COL5A1: variants seen among roughly 807,000 people sequenced by gnomAD.
COL5A1 encodes the protein collagen type V alpha 1 chain.
In COL5A1, 16 loss-of-function variants were observed where a neutral mutation model predicts 263.7. The ratio of observed to expected loss-of-function variants is 0.06; its 90% CI spans 0.04 to 0.09. The LOEUF is 0.09. COL5A1 is among the 10% of genes least tolerant of loss of function. COL5A1 has a pLI of 1.00. For missense variants in COL5A1, 2,036 were observed against 2,540.5 expected (o/e 0.80, Z 4.27); for synonymous variants, 1,012 against 1,004.5 (o/e 1.01, Z -0.14).
intron 1 of COL5A1, among the ~76,000 whole-genome samples, chr9:134,661,247 G>A (rs1440856020): frequency 2.0e-5 from 3 of 151,850 alleles, no homozygotes; most frequent in Non-Finnish European, 4.4e-5. Context: ...CTTGGATTGG[G>A]ATCTTTGGGA....
At chr9:134,828,585 C>T (rs1228511395) in intron 63 of COL5A1, among the ~76,000 whole-genome samples, 1 of 10,260 alleles carries the variant, frequency 9.7e-5, no homozygotes, top group African/African-American at 3.9e-4. Flanking sequence ...ACATATACCA[C>T]ACCACACATC....
At chr9:134,768,298 C>T in intron 24 of COL5A1, 112 bp from the exon 25 acceptor site, 2 of 1,015,218 alleles carry the variant, frequency 2.0e-6, no homozygotes, top group Non-Finnish European at 3.2e-6. Flanking sequence ...GACCACACTT[C>T]TCAGCAAATG....
intron 1 of COL5A1, among the ~76,000 whole-genome samples, chr9:134,650,615 T>C (rs547703302): frequency 6.6e-6 from 1 of 152,288 alleles, no homozygotes; most frequent in East Asian, 1.9e-4. Context: ...CCAAGGCCAG[T>C]CTAGGGAGGC....
At chr9:134,753,968 G>T in intron 15 of COL5A1, 65 bp downstream of exon 15, 1 of 1,374,150 alleles carries the variant, frequency 7.3e-7, no homozygotes. Context: ...CAGCGACGGC[G>T]AGCATGGAGG....
intron 48 of COL5A1, among the ~76,000 whole-genome samples, chr9:134,813,417 C>T (rs371789894): frequency 2.0e-5 from 3 of 152,210 alleles, no homozygotes; most frequent in Non-Finnish European, 4.4e-5. Flanking sequence ...AATTGGAAGA[C>T]GCCTTCCACC....
chr9:134,738,452 C>A, intron 9 of COL5A1, 22 bp from the exon 10 acceptor site: 5 of 1,613,866 alleles, frequency 3.1e-6, no homozygotes, highest in Non-Finnish European at 4.2e-6. Flanking sequence ...CGGTCTCAGA[C>A]GCCCTCTCTC....
rs1235994320 is a variant in COL5A1 at position 134,765,092 on chromosome 9, G to A, written c.2035-589G>A. 1.3e-5 allele frequency among the ~76,000 whole-genome samples: 2 copies of A among 152,094 alleles called. No individual in the cohort carries two copies. Among genetic ancestry groups the A allele is most frequent in the African/African-American group, 2.4e-5 (1 of 41,410 alleles). On this transcript the variant is annotated intron_variant, in intron 20 of 65. Transcript: ENST00000371817. The surrounding 1 kb of genome is among the most constrained non-coding windows in gnomAD (Gnocchi z 5.1). ...GGGGAGGTTCTGCACGAGCCTCGCC[G>A]ACCGGAGAGGGCGTGCCAGCTCTTG... is the stretch of plus-strand genomic sequence containing the variant.
At chr9:134,796,448 C>T (rs1217638926) in intron 35 of COL5A1, 30 bp downstream of exon 35, 2 of 1,612,680 alleles carry the variant, frequency 1.2e-6, no homozygotes, top group Non-Finnish European at 1.7e-6. Flanking sequence ...GGGGGTGTCT[C>T]CAAGGGCAGA....
At chr9:134,708,402 C>A in intron 4 of COL5A1, 2 of 390,694 alleles carry the variant, frequency 5.1e-6, no homozygotes, top group South Asian at 3.9e-5. Flanking sequence ...CCTGCCATTG[C>A]GGCTCAGAGC....
At chr9:134,808,236 CT>C (rs1466062285) in intron 42 of COL5A1, among the ~76,000 whole-genome samples, 1 of 152,126 alleles carries the variant, frequency 6.6e-6, no homozygotes, top group Non-Finnish European at 1.5e-5. Flanking sequence ...CCATGTTTCC[CT>C]TCCCAATGTG....
intron 4 of COL5A1, among the ~76,000 whole-genome samples, chr9:134,715,207 C>T (rs1035858777): frequency 3.9e-5 from 6 of 152,014 alleles, no homozygotes; most frequent in Admixed American, 6.5e-5. Context: ...ACAAATGTCT[C>T]TGTATCATAA....
At position 134,830,258 on chromosome 9, in the gene COL5A1, G is replaced by A. The variant is rs554434479; in HGVS notation, c.5136+214G>A. ...CTCGCGGCTCTGCATGGCACCCATCGCTGCCATGTGTGCCACACCGCTCTT... is the reference window on the plus strand; with the variant it reads ...CTCGCGGCTCTGCATGGCACCCATCACTGCCATGTGTGCCACACCGCTCTT... On this transcript the variant is annotated intron_variant, in intron 64 of 65. Coordinates refer to ENST00000371817, the MANE Select transcript of COL5A1 (RefSeq NM_000093.5). The A allele has an allele frequency of 1.1e-5, 15 of 1,396,968 alleles. No homozygotes were observed. In the South Asian group the frequency reaches 1.1e-4, roughly 10 times the overall value. 86.5% of individuals were successfully genotyped at this position (1,396,968 alleles called of 1,614,324 possible).
At chr9:134,800,585 A>G (rs1025015291) in intron 37 of COL5A1, among the ~76,000 whole-genome samples, 1 of 152,048 alleles carries the variant, frequency 6.6e-6, no homozygotes, top group African/African-American at 2.4e-5. Flanking sequence ...TCTCTACTAA[A>G]AATACAAAAA....
At position 134,700,223 on chromosome 9, in the gene COL5A1, G is replaced by A; in HGVS notation, c.491+101G>A. On this transcript the variant is annotated intron_variant, in intron 3 of 65. Transcript: ENST00000371817. This position sits in a 1 kb window ranked among gnomAD's most constrained non-coding sequence, Gnocchi z 4.0. ...GGGGCACAGTAGAGGACGTGCAGCAGCCGGTACTGAGACTCCCACAGACGC... is the reference window on the plus strand; with the variant it reads ...GGGGCACAGTAGAGGACGTGCAGCAACCGGTACTGAGACTCCCACAGACGC... 8.7e-7 allele frequency: 1 copy of A among 1,152,434 alleles called. No individual in the cohort carries two copies. 71.4% of individuals were successfully genotyped at this position (1,152,434 alleles called of 1,614,324 possible).
intron 24 of COL5A1, among the ~76,000 whole-genome samples, 161 bp from the exon 25 acceptor site, chr9:134,768,249 C>T (rs540270169): frequency 4.6e-5 from 7 of 152,324 alleles, no homozygotes; most frequent in South Asian, 2.1e-4. Context: ...TGGGCGCTAC[C>T]GTGGCTGCAC....
intron 64 of COL5A1, among the ~76,000 whole-genome samples, chr9:134,831,266 C>T (rs1443545095): frequency 6.6e-6 from 1 of 152,204 alleles, no homozygotes; most frequent in Non-Finnish European, 1.5e-5. Context: ...ATTCATCTCT[C>T]GTGCCCTCAT....
At chr9:134,773,855 T>C (rs6537948) in intron 26 of COL5A1, among the ~76,000 whole-genome samples, 94,188 of 151,958 alleles carry the variant, frequency 0.62, 31,336 homozygotes, top group East Asian at 0.91. Context: ...GTTCCCTCTC[T>C]TGAAGGTCGC....
Position 134,728,680 on chromosome 9 carries a change from G to T in COL5A1, c.797G>T (p.Gly266Val). ...DPNPDEYYTE[G>V]DGEGETYYYE... Reference sequence around the variant, plus strand: ...GCAATTCGCTTTCAGTACACGGAAGGAGACGGCGAGGGTGAGACCTATTAC... The same window carrying T: ...GCAATTCGCTTTCAGTACACGGAAGTAGACGGCGAGGGTGAGACCTATTAC... The change falls in exon 6 of 66, where the codon GGA becomes GTA. Residue 266 changes from glycine (G) to valine (V), a missense_variant. Transcript: ENST00000371817. 6.2e-7 allele frequency: 1 copy of T among 1,614,108 alleles called. No homozygotes were observed. Among genetic ancestry groups the T allele is most frequent in the Non-Finnish European group, 8.5e-7 (1 of 1,180,036 alleles).
chr9:134,693,176 T>C (rs1472216774), intron 2 of COL5A1, among the ~76,000 whole-genome samples: 1 of 152,142 alleles, frequency 6.6e-6, no homozygotes, highest in East Asian at 1.9e-4. Flanking sequence ...TGAGCAGGGC[T>C]CTTATCTACA....
Sources: allele counts gnomAD v4.1 joint callset (sites outside exome capture counted in the v4.1 genomes callset), GRCh38; gene constraint gnomAD v4.1.1; non-coding constraint Gnocchi (gnomAD v3.1); transcripts MANE v1.5; gene names NCBI Gene and HGNC (gene_info 2026-07-23, HGNC 2026-07-21).